WDR64: variants seen among roughly 807,000 people sequenced by gnomAD.
WDR64 encodes the protein WD repeat-containing protein 64.
A neutral mutation model predicts 139.3 loss-of-function variants in WDR64; 112 were observed. The observed-to-expected ratio is 0.80, with a 90% CI of 0.69 to 0.94. The LOEUF is 0.94. WDR64 is among the 40% of genes least tolerant of loss of function. The probability of loss-of-function intolerance (pLI) is 0.00; values close to 1 mark genes in which losing one functional copy is unlikely to be tolerated. For synonymous variants in WDR64, 444 were observed against 437.7 expected (o/e 1.01, Z -0.18); for missense variants, 1,206 against 1,293.1 (o/e 0.93, Z 1.03).
At chr1:241,700,578 T>C (rs1667674161) in intron 8 of WDR64, among the ~76,000 whole-genome samples, 1 of 152,214 alleles carries the variant, frequency 6.6e-6, no homozygotes, top group Admixed American at 6.5e-5. Flanking sequence ...TTTACTATAA[T>C]AGAATATAAG....
intron 8 of WDR64, among the ~76,000 whole-genome samples, chr1:241,708,698 TTTTTTGTTTTTTTG>T (rs1313799997): frequency 2.8e-5 from 2 of 71,818 alleles, no homozygotes; most frequent in East Asian, 4.5e-4. Context: ...CATGGTTTTT[TTTTTTGTTTTTTTG>T]TTTTTTTTTT....
At chr1:241,698,586 G>A (rs1359688404) in intron 8 of WDR64, among the ~76,000 whole-genome samples, 1 of 152,004 alleles carries the variant, frequency 6.6e-6, no homozygotes, top group African/African-American at 2.4e-5. Context: ...TCACTGCCTT[G>A]TACTTAGCTT....
intron 13 of WDR64, among the ~76,000 whole-genome samples, chr1:241,747,939 T>C (rs1669826614): frequency 6.6e-6 from 1 of 152,174 alleles, no homozygotes. Flanking sequence ...TAGGATAGCA[T>C]GAGAGTACAG....
chr1:241,652,885 T>C (rs540338201), intron 1 of WDR64, among the ~76,000 whole-genome samples: 1 of 152,348 alleles, frequency 6.6e-6, no homozygotes, highest in South Asian at 2.1e-4. Flanking sequence ...TGTAAAACTA[T>C]GGGATTGGAT....
In WDR64 at chr1:241,674,722, G is replaced by T. The variant is rs1666397948; in HGVS notation, c.458G>T (p.Gly153Val). ...TTACTAATAACAGCTACTCAGAAAGGATTAATAACAGTTTTTAATAACCAG... is the reference window on the plus strand; with the variant it reads ...TTACTAATAACAGCTACTCAGAAAGTATTAATAACAGTTTTTAATAACCAG... ...LDLLITATQKGLITVFNNQMR... is the reference protein window; with the variant it reads ...LDLLITATQKVLITVFNNQMR... Residue 153 changes from glycine (G) to valine (V), a missense_variant, in exon 4 of 28, where the codon GGA (glycine) becomes GTA (valine). Gly to Val is a moderately radical substitution (Grantham distance 109). Coordinates refer to ENST00000437684, the MANE Select transcript of WDR64 (RefSeq NM_001367482.1). 1 of 1,547,172 alleles carries T rather than the reference G, an allele frequency of 6.5e-7. No individual in the cohort carries two copies. Among genetic ancestry groups the T allele is most frequent in the East Asian group, 2.5e-5 (1 of 40,568 alleles).
Position 241,775,230 on chromosome 1 carries a change from C to T in WDR64, c.2536+20C>T. On this transcript the variant is annotated intron_variant, in intron 21 of 27. Coordinates refer to ENST00000437684, the MANE Select transcript of WDR64 (RefSeq NM_001367482.1). ...ATGTGGGTGAGTCATTACTCTTAGA[C>T]ATTCAGTGACAGGTGTCTTAATAGC... 1.3e-6 allele frequency: 2 copies of T among 1,533,346 alleles called. No individual in the cohort carries two copies. The highest frequency in any genetic ancestry group is 1.2e-5 in the South Asian group (1 of 82,614). The allele number at this position is 1,533,346 out of a possible 1,614,324, so 95.0% of individuals were successfully genotyped here. A position where few individuals can be genotyped will look rare whatever the true frequency, so the allele number is the denominator to read the frequency against.
intron 27 of WDR64, among the ~76,000 whole-genome samples, chr1:241,799,582 T>C (rs930492515): frequency 6.6e-6 from 1 of 152,210 alleles, no homozygotes; most frequent in Admixed American, 6.5e-5. Flanking sequence ...TATGTTGCAA[T>C]GATCATCCTC....
At chr1:241,713,535 A>AAGAG (rs1668278125) in intron 9 of WDR64, among the ~76,000 whole-genome samples, 1 of 141,034 alleles carries the variant, frequency 7.1e-6, no homozygotes, top group Admixed American at 7.1e-5. Context: ...AAAAGCAAGG[A>AAGAG]AGGGAGGGAG....
intron 1 of WDR64, among the ~76,000 whole-genome samples, chr1:241,657,173 G>C (rs1405512736): frequency 6.6e-6 from 1 of 151,942 alleles, no homozygotes; most frequent in Non-Finnish European, 1.5e-5. Flanking sequence ...TTAAAAAGAG[G>C]CATAAACGAG....
intron 4 of WDR64, among the ~76,000 whole-genome samples, chr1:241,676,763 T>G (rs1313115258): frequency 8.6e-6 from 1 of 115,854 alleles, no homozygotes; most frequent in Non-Finnish European, 1.9e-5. Flanking sequence ...TTTTTTTTTT[T>G]GTAGAAACAG....
Position 241,679,401 on chromosome 1 carries a change from T to A in WDR64, c.514-84T>A, listed in dbSNP as rs191578421. 1.9e-3 allele frequency: 2,277 copies of A among 1,203,628 alleles called. 8 individuals carry two copies. The highest frequency in any genetic ancestry group is 2.9e-3 in the South Asian group (214 of 74,534). 74.6% of individuals were successfully genotyped at this position (1,203,628 alleles called of 1,614,324 possible). ...TAAGGCAGCAAAATGGAGCTTTTAGTGTGACTAACCTGCTCTTTGGTGACC... is the reference window on the plus strand; with the variant it reads ...TAAGGCAGCAAAATGGAGCTTTTAGAGTGACTAACCTGCTCTTTGGTGACC... On this transcript the variant is annotated intron_variant, in intron 5 of 27. Coordinates refer to ENST00000437684, the MANE Select transcript of WDR64 (RefSeq NM_001367482.1).
At chr1:241,764,013 G>A (rs1414886830) in intron 15 of WDR64, among the ~76,000 whole-genome samples, 2 of 152,140 alleles carry the variant, frequency 1.3e-5, no homozygotes, top group East Asian at 3.9e-4. Flanking sequence ...TGAAAAGACA[G>A]TGAATCTCAA....
chr1:241,739,891 A>G (rs1235022630), intron 11 of WDR64, among the ~76,000 whole-genome samples: 1 of 152,212 alleles, frequency 6.6e-6, no homozygotes, highest in Non-Finnish European at 1.5e-5. Context: ...GATTCAAATG[A>G]AGCAACCATC....
intron 10 of WDR64, among the ~76,000 whole-genome samples, chr1:241,728,087 C>T (rs1668919051): frequency 6.6e-6 from 1 of 152,048 alleles, no homozygotes; most frequent in Non-Finnish European, 1.5e-5. Context: ...AATCCCAGCA[C>T]TTTGGGAGGC....
At chr1:241,755,733 T>C (rs1255026778) in intron 14 of WDR64, among the ~76,000 whole-genome samples, 1 of 152,226 alleles carries the variant, frequency 6.6e-6, no homozygotes, top group Non-Finnish European at 1.5e-5. Flanking sequence ...AATTAATTTT[T>C]GTATAAGGTG....
intron 15 of WDR64, among the ~76,000 whole-genome samples, chr1:241,761,604 G>C (rs1447320621): frequency 6.6e-6 from 1 of 151,226 alleles, no homozygotes; most frequent in East Asian, 1.9e-4. Flanking sequence ...ATATATTATG[G>C]ATATTAGTCC....
chr1:241,729,371 C>T (rs955339643), intron 10 of WDR64, among the ~76,000 whole-genome samples: 2 of 152,198 alleles, frequency 1.3e-5, no homozygotes, highest in African/African-American at 4.8e-5. Flanking sequence ...GATCCTCCTC[C>T]AACCCATTTA....
rs147927208 is a variant in WDR64 at position 241,728,447 on chromosome 1, C to A, written c.1194+5011C>A. Among the ~76,000 whole-genome samples the A allele has an allele frequency of 9.5e-4, 145 of 152,180 alleles. 2 individuals carry two copies. The highest frequency in any genetic ancestry group is 3.5e-3 in the African/African-American group (144 of 41,524). On this transcript the variant is annotated intron_variant, in intron 10 of 27. Coordinates refer to ENST00000437684, the MANE Select transcript of WDR64 (RefSeq NM_001367482.1). Reference sequence around the variant, plus strand: ...GGAACAGACAACATCCCTTCAAACTCTTTCATATAAATTAGCTTTCATCAC... The same window carrying A: ...GGAACAGACAACATCCCTTCAAACTATTTCATATAAATTAGCTTTCATCAC...
Position 241,802,217 on chromosome 1 carries a change from A to G in WDR64, c.*1002A>G, listed in dbSNP as rs1204906179. Reference sequence around the variant, plus strand: ...GGACAATGGAATCCTCAGCAATTAAAGGGAATAAAATGCTAATGCATGCAT... The same window carrying G: ...GGACAATGGAATCCTCAGCAATTAAGGGGAATAAAATGCTAATGCATGCAT... On this transcript the variant is annotated 3_prime_UTR_variant, in exon 28 of 28. Transcript: ENST00000437684. 2.6e-6 allele frequency: 1 copy of G among 391,298 alleles called. No individual in the cohort carries two copies. Among genetic ancestry groups the G allele is most frequent in the African/African-American group, 2.1e-5 (1 of 47,786 alleles). The allele number at this position is 391,298 out of a possible 1,614,324, so 24.2% of individuals were successfully genotyped here.
Sources: allele counts gnomAD v4.1 joint callset (sites outside exome capture counted in the v4.1 genomes callset), GRCh38; gene constraint gnomAD v4.1.1; transcripts MANE v1.5; gene names NCBI Gene and HGNC (gene_info 2026-07-23, HGNC 2026-07-21).